Variants in ATP6V1A observed in about 807,000 individuals in gnomAD.
ATP6V1A encodes ATPase H+ transporting V1 subunit A.
In ATP6V1A, 18 loss-of-function variants were observed where a neutral mutation model predicts 70.1. The observed-to-expected ratio is 0.26, with a 90% CI of 0.18 to 0.38. The LOEUF is 0.38. ATP6V1A is among the 10% of genes least tolerant of loss of function. The pLI, the probability that ATP6V1A is intolerant of heterozygous loss-of-function variation, is 1.00. For synonymous variants in ATP6V1A, 232 were observed against 253.8 expected, an observed-to-expected ratio of 0.91 and a Z score of 0.82; for missense variants, 424 against 772.4, an observed-to-expected ratio of 0.55 and a Z score of 5.35.
chr3:113,748,869 G>A (rs1004018890), intron 1 of ATP6V1A, among the ~76,000 whole-genome samples: 1 of 152,084 alleles, frequency 6.6e-6, no homozygotes, highest in Non-Finnish European at 1.5e-5. Flanking sequence ...ATATATATAT[G>A]TAGTTTTATC....
intron 12 of ATP6V1A, among the ~76,000 whole-genome samples, chr3:113,800,953 A>C (rs1257512419): frequency 6.6e-6 from 1 of 152,004 alleles, no homozygotes; most frequent in African/African-American, 2.4e-5. Context: ...CCAGGAGTTC[A>C]AGACCAGCCT....
At chr3:113,769,495 G>C (rs989088048) in intron 1 of ATP6V1A, among the ~76,000 whole-genome samples, 3 of 152,046 alleles carry the variant, frequency 2.0e-5, no homozygotes, top group Admixed American at 6.6e-5. Context: ...CCAGGATTTT[G>C]TATGTGAGTA....
At chr3:113,777,656 G>A (rs933621684) in intron 1 of ATP6V1A, among the ~76,000 whole-genome samples, 1 of 152,232 alleles carries the variant, frequency 6.6e-6, no homozygotes. Flanking sequence ...GGGAGGATGA[G>A]GTGGGAGGAT....
At chr3:113,797,324 C>G (rs1709163833) in intron 11 of ATP6V1A, among the ~76,000 whole-genome samples, 1 of 151,600 alleles carries the variant, frequency 6.6e-6, no homozygotes, top group Admixed American at 6.6e-5. Flanking sequence ...GTGATCTCAG[C>G]TCACTGCAAC....
chr3:113,772,446 G>A (rs996068003), intron 1 of ATP6V1A, among the ~76,000 whole-genome samples: 5 of 152,130 alleles, frequency 3.3e-5, no homozygotes, highest in Admixed American at 3.3e-4. Flanking sequence ...ATCAAAATGG[G>A]GCTGGGCACC....
chr3:113,752,990 A>G (rs949013034), intron 1 of ATP6V1A, among the ~76,000 whole-genome samples: 1 of 152,210 alleles, frequency 6.6e-6, no homozygotes, highest in African/African-American at 2.4e-5. Flanking sequence ...ATGGATAGAC[A>G]CATGAGACTG....
intron 1 of ATP6V1A, among the ~76,000 whole-genome samples, chr3:113,763,518 T>C (rs1250354636): frequency 1.3e-5 from 2 of 152,242 alleles, no homozygotes; most frequent in Non-Finnish European, 2.9e-5. Context: ...TCTTTTGCCA[T>C]GTGCAGAAGC....
In ATP6V1A at chr3:113,810,418, A is replaced by G. The variant is rs1010731382; in HGVS notation, c.*991A>G. 1 of 151,668 alleles carries G rather than the reference A, an allele frequency of 6.6e-6. No individual in the cohort carries two copies. The highest frequency in any genetic ancestry group is 2.4e-5 in the African/African-American group (1 of 41,250). 9.4% of individuals were successfully genotyped at this position (151,668 alleles called of 1,614,324 possible). ...GAAATAGTACCCTCTAAAAAAGAGA[A>G]AAAAAAAATCAGGCGGTCAAACTTA... is the stretch of plus-strand genomic sequence containing the variant. On this transcript the variant is annotated 3_prime_UTR_variant, in exon 15 of 15. Coordinates refer to ENST00000273398, the MANE Select transcript of ATP6V1A (RefSeq NM_001690.4).
intron 14 of ATP6V1A, among the ~76,000 whole-genome samples, chr3:113,808,287 C>CTTTTTTTTTTTTTTTTTTTTTTTTT: frequency 1.1e-5 from 1 of 89,808 alleles, no homozygotes; most frequent in Non-Finnish European, 2.0e-5. Context: ...AAGTCTGTCT[C>CTTTTTTTTTTTTTTTTTTTTTTTTT]TTTTTTTTTT....
chr3:113,786,866 T>C (rs1014292246), intron 6 of ATP6V1A, among the ~76,000 whole-genome samples: 2 of 151,734 alleles, frequency 1.3e-5, no homozygotes, highest in Admixed American at 6.6e-5. Context: ...AACCTCTGCC[T>C]CCCAGCTCAA....
chr3:113,805,072 C>T (rs1163578722), intron 13 of ATP6V1A, among the ~76,000 whole-genome samples: 1 of 152,158 alleles, frequency 6.6e-6, no homozygotes, highest in African/African-American at 2.4e-5. Flanking sequence ...TTGTTTCTCC[C>T]ACTTGATGAT....
At chr3:113,796,847 G>A (rs1709157248) in intron 11 of ATP6V1A, among the ~76,000 whole-genome samples, 1 of 152,204 alleles carries the variant, frequency 6.6e-6, no homozygotes, top group Non-Finnish European at 1.5e-5. Flanking sequence ...ATCTGTGAAT[G>A]TTTGCCCTTA....
chr3:113,773,843 A>G (rs1169287745), intron 1 of ATP6V1A, among the ~76,000 whole-genome samples: 1 of 152,172 alleles, frequency 6.6e-6, no homozygotes, highest in African/African-American at 2.4e-5. Flanking sequence ...CTAAATCTCC[A>G]GCCTATAGTA....
At chr3:113,807,267 C>G (rs966969957) in intron 14 of ATP6V1A, among the ~76,000 whole-genome samples, 3 of 151,602 alleles carry the variant, frequency 2.0e-5, no homozygotes, top group African/African-American at 4.8e-5. Context: ...GCAACCTCCC[C>G]CTCCCAGGTT....
chr3:113,762,535 T>C (rs1021282237), intron 1 of ATP6V1A, among the ~76,000 whole-genome samples: 1 of 151,850 alleles, frequency 6.6e-6, no homozygotes, highest in Non-Finnish European at 1.5e-5. Flanking sequence ...GCCATTGCAG[T>C]CGATCCTAGG....
intron 13 of ATP6V1A, 78 bp downstream of exon 13, chr3:113,803,755 T>A: frequency 9.1e-7 from 1 of 1,097,742 alleles, no homozygotes; most frequent in Non-Finnish European, 1.4e-6. Flanking sequence ...TTAAAAACCC[T>A]TTTTTATTCT....
intron 13 of ATP6V1A, among the ~76,000 whole-genome samples, chr3:113,804,673 C>T (rs556789240): frequency 2.6e-5 from 4 of 152,050 alleles, no homozygotes; most frequent in South Asian, 4.1e-4. Flanking sequence ...GGGAACTTAA[C>T]GAAGCTTCTA....
rs63484660 is a variant in ATP6V1A, at chr3:113,786,057, T to TAA, written c.565-162_565-161dup. Among the ~76,000 whole-genome samples the TAA allele has an allele frequency of 4.7e-3, 629 of 132,996 alleles. 3 individuals carry two copies. The highest frequency in any genetic ancestry group is 0.016 in the African/African-American group (582 of 36,496). 87.3% of individuals were successfully genotyped at this position (132,996 alleles called of 152,430 possible). A position where few individuals can be genotyped will look rare whatever the true frequency, so the allele number is the denominator to read the frequency against. ...TAAAAAAGTAATAAATGCACCAGGTTAAAAAAAAAAAAAAGCTAAGACTAT... is the reference window on the plus strand; with the variant it reads ...TAAAAAAGTAATAAATGCACCAGGTTAAAAAAAAAAAAAAAAGCTAAGACTAT... On this transcript the variant is annotated intron_variant, in intron 5 of 14. Coordinates refer to ENST00000273398, the MANE Select transcript of ATP6V1A (RefSeq NM_001690.4).
intron 1 of ATP6V1A, among the ~76,000 whole-genome samples, chr3:113,776,485 C>T (rs905813484): frequency 6.6e-6 from 1 of 152,218 alleles, no homozygotes; most frequent in East Asian, 1.9e-4. Flanking sequence ...GTGGTGTTTG[C>T]ACCTCAATTG....
Sources: allele counts gnomAD v4.1 joint callset (sites outside exome capture counted in the v4.1 genomes callset), GRCh38; gene constraint gnomAD v4.1.1; transcripts MANE v1.5; gene names NCBI Gene and HGNC (gene_info 2026-07-23, HGNC 2026-07-21).